The following UBE2H variants were observed in gnomAD, a reference collection of about 807,000 sequenced individuals.
UBE2H encodes ubiquitin-conjugating enzyme E2 H.
UBE2H carries 3 observed loss-of-function variants against 29.0 expected under a neutral mutation model. The ratio of observed to expected loss-of-function variants is 0.10; its 90% CI spans 0.05 to 0.27. The LOEUF (loss-of-function observed/expected upper bound fraction) is 0.27, where lower values mean the gene tolerates loss of function less well. UBE2H is among the 10% of genes least tolerant of loss of function. UBE2H has a pLI of 1.00. For synonymous variants in UBE2H, 69 were observed against 82.9 expected (o/e 0.83, Z 0.91); for missense variants, 68 against 228.2 (o/e 0.30, Z 4.52).
At chr7:129,901,737 G>A (rs957337122) in intron 1 of UBE2H, among the ~76,000 whole-genome samples, 3 of 152,128 alleles carry the variant, frequency 2.0e-5, no homozygotes, top group Admixed American at 6.5e-5. Flanking sequence ...TGGGATTACA[G>A]GTGCCCGCCA....
At chr7:129,908,452 T>C (rs542191336) in intron 1 of UBE2H, among the ~76,000 whole-genome samples, 1 of 152,320 alleles carries the variant, frequency 6.6e-6, no homozygotes, top group African/African-American at 2.4e-5. Flanking sequence ...TGCATTTCAA[T>C]AGAGTAAAGA....
intron 1 of UBE2H, among the ~76,000 whole-genome samples, chr7:129,934,983 G>GTA (rs908604328): frequency 1.3e-5 from 2 of 150,442 alleles, no homozygotes; most frequent in African/African-American, 2.5e-5. Flanking sequence ...ATATGTGTGT[G>GTA]TATATATATG....
intron 1 of UBE2H, among the ~76,000 whole-genome samples, chr7:129,909,982 G>C (rs1035448873): frequency 3.3e-5 from 5 of 151,922 alleles, no homozygotes; most frequent in African/African-American, 7.3e-5. Flanking sequence ...ATAGAGGGGG[G>C]GTGATTCAAG....
At chr7:129,863,626 G>A (rs1372636773) in intron 3 of UBE2H, among the ~76,000 whole-genome samples, 1 of 152,080 alleles carries the variant, frequency 6.6e-6, no homozygotes, top group Non-Finnish European at 1.5e-5. Context: ...AAATTTTCTA[G>A]AGAATACAAA....
chr7:129,838,981 G>A (rs561763499), intron 6 of UBE2H, among the ~76,000 whole-genome samples: 9 of 152,240 alleles, frequency 5.9e-5, no homozygotes, highest in South Asian at 4.1e-4. Context: ...CCATCAGCAC[G>A]TAAACTGTTT....
At chr7:129,907,394 A>G (rs1361165562) in intron 1 of UBE2H, among the ~76,000 whole-genome samples, 1 of 152,004 alleles carries the variant, frequency 6.6e-6, no homozygotes, top group Non-Finnish European at 1.5e-5. Context: ...AAGGAATATG[A>G]TGTCCAAGGA....
intron 1 of UBE2H, among the ~76,000 whole-genome samples, chr7:129,886,983 C>T (rs59300814): frequency 7.8e-4 from 119 of 152,152 alleles, no homozygotes; most frequent in African/African-American, 2.7e-3. Flanking sequence ...AGAGGGCCAG[C>T]AACGTTAATG....
At chr7:129,902,286 G>A (rs1005438286) in intron 1 of UBE2H, among the ~76,000 whole-genome samples, 6 of 152,130 alleles carry the variant, frequency 3.9e-5, no homozygotes. Context: ...ATCACCTGAG[G>A]TCAGGAGTTC....
At chr7:129,949,682 T>C (rs901670291) in intron 1 of UBE2H, among the ~76,000 whole-genome samples, 1 of 152,142 alleles carries the variant, frequency 6.6e-6, no homozygotes, top group African/African-American at 2.4e-5. Flanking sequence ...CCAGAGACGG[T>C]GTCTCCAAAA....
At position 129,911,281 on chromosome 7, in the gene UBE2H, T is replaced by C. The variant is rs141623354; in HGVS notation, c.54-30310A>G. Among the ~76,000 whole-genome samples, 1,173 of 151,642 alleles carry C rather than the reference T, an allele frequency of 7.7e-3. 9 individuals carry two copies. The highest frequency in any genetic ancestry group is 0.017 in the Middle Eastern group (5 of 294). On this transcript the variant is annotated intron_variant, in intron 1 of 6. Coordinates refer to ENST00000355621, the MANE Select transcript of UBE2H (RefSeq NM_003344.4). ...TACTCAGGAGGCTGAGGCAGGAGAA[T>C]TGCTTGAACCTGGGAGGTGGAGGTT...
chr7:129,836,518 G>A (rs945960663), intron 6 of UBE2H, among the ~76,000 whole-genome samples: 2 of 152,220 alleles, frequency 1.3e-5, no homozygotes, highest in Admixed American at 6.5e-5. Flanking sequence ...TGGCATAGGA[G>A]AGGCCACTCC....
At chr7:129,889,162 G>T (rs1014432346) in intron 1 of UBE2H, among the ~76,000 whole-genome samples, 6 of 152,188 alleles carry the variant, frequency 3.9e-5, no homozygotes, top group Non-Finnish European at 7.3e-5. Context: ...TGGCAAACAG[G>T]GAAACAGTAT....
At chr7:129,893,415 T>C (rs1476798058) in intron 1 of UBE2H, among the ~76,000 whole-genome samples, 2 of 152,148 alleles carry the variant, frequency 1.3e-5, no homozygotes, top group African/African-American at 4.8e-5. Flanking sequence ...GACAGGTTTA[T>C]CAGAAAGATA....
At chr7:129,882,079 C>T (rs1470183292) in intron 1 of UBE2H, among the ~76,000 whole-genome samples, 1 of 152,222 alleles carries the variant, frequency 6.6e-6, no homozygotes, top group Non-Finnish European at 1.5e-5. Flanking sequence ...GGTAACATGG[C>T]TGTGCTCCCT....
intron 1 of UBE2H, among the ~76,000 whole-genome samples, chr7:129,906,496 G>A (rs181362200): frequency 1.3e-3 from 191 of 152,136 alleles, no homozygotes; most frequent in Middle Eastern, 6.8e-3. Context: ...TGAGTCACGC[G>A]CCCAGCCCTG....
At chr7:129,898,837 A>G (rs1239758320) in intron 1 of UBE2H, among the ~76,000 whole-genome samples, 1 of 144,066 alleles carries the variant, frequency 6.9e-6, no homozygotes, top group African/African-American at 2.5e-5. Flanking sequence ...CTTGTCTTTT[A>G]AAAACATGAC....
rs147040760 is a variant in UBE2H at position 129,834,530 on chromosome 7, A to T, written c.*407T>A. ...CTCCATTTCAAAAAAGCACTATTTT[A>T]TCTTCACATCCAAGAGCTGGTTGGT... On this transcript the variant is annotated 3_prime_UTR_variant, in exon 7 of 7. Transcript: ENST00000355621. The T allele has an allele frequency of 1.3e-5, 2 of 155,632 alleles. No homozygotes were observed. Among genetic ancestry groups the T allele is most frequent in the Non-Finnish European group, 2.9e-5 (2 of 70,164 alleles). The allele number at this position is 155,632 out of a possible 1,614,324, so 9.6% of individuals were successfully genotyped here. A position where few individuals can be genotyped will look rare whatever the true frequency, so the allele number is the denominator to read the frequency against.
At chr7:129,881,784 T>C (rs1345362346) in intron 1 of UBE2H, among the ~76,000 whole-genome samples, 1 of 152,166 alleles carries the variant, frequency 6.6e-6, no homozygotes, top group East Asian at 1.9e-4. Flanking sequence ...CAAATTCAAA[T>C]GTTCAGCAAA....
chr7:129,949,056 G>A (rs1323461719), intron 1 of UBE2H: 2 of 456,512 alleles, frequency 4.4e-6, no homozygotes, highest in Non-Finnish European at 8.8e-6. Context: ...CCTTTTGCCT[G>A]CATACGCTTT....
Sources: gnomAD v4.1 joint callset for allele counts (sites outside exome capture counted in the v4.1 genomes callset) on GRCh38, gnomAD v4.1.1 for gene constraint, MANE v1.5 for transcripts, NCBI Gene and HGNC (gene_info 2026-07-23, HGNC 2026-07-21) for gene names.